Variants in UBR3 observed in about 807,000 individuals in gnomAD.
UBR3 encodes ubiquitin protein ligase E3 component n-recognin 3, also known as E3 ubiquitin-protein ligase UBR3.
In UBR3, 85 loss-of-function variants were observed where a neutral mutation model predicts 243.2. That is an observed-to-expected ratio of 0.35 (90% CI 0.29 to 0.42). The LOEUF is 0.42. Ranked by LOEUF, UBR3 falls within the 10% of genes least tolerant of loss-of-function variation. UBR3 has a pLI of 1.00. For missense variants in UBR3, 1,686 were observed against 2,300.8 expected (o/e 0.73, Z 5.47); for synonymous variants, 748 against 799.8 (o/e 0.94, Z 1.09).
chr2:170,008,921 T>C lies in UBR3; in HGVS notation c.4348T>C (p.Phe1450Leu). ...GGGCTCACCAGACAATGATTTTCTC[T>C]TTATGTACTCTGTTGCTAGGTAGGT... ...TPGSPDNDFL[F>L]MYSVARTNLE... The change falls in exon 29 of 39, where the codon TTT (phenylalanine) becomes CTT (leucine). Residue 1450 changes from phenylalanine (F) to leucine (L), a missense_variant. Phe to Leu is a conservative substitution (Grantham distance 22). Coordinates refer to ENST00000272793, the MANE Select transcript of UBR3 (RefSeq NM_172070.4). The C allele has an allele frequency of 6.3e-7, 1 of 1,592,988 alleles. No homozygotes were observed.
chr2:169,854,943 T>G (rs2082785657), intron 1 of UBR3, among the ~76,000 whole-genome samples: 1 of 152,224 alleles, frequency 6.6e-6, no homozygotes, highest in South Asian at 2.1e-4. Flanking sequence ...CTCGTTTTCA[T>G]TAAAACATTG....
Position 169,906,109 on chromosome 2 carries a change from A to C in UBR3, c.1724A>C (p.Glu575Ala). Reference protein sequence around the residue: ...SQTYYAAFAAELEACAQPMWG... With the variant: ...SQTYYAAFAAALEACAQPMWG... ...ACCTACTATGCTGCCTTTGCTGCTG[A>C]ACTTGAGGCCTGTGCACAGCCAATG... The change falls in exon 10 of 39, where the codon GAA (glutamate) becomes GCA (alanine). Residue 575 changes from glutamate to alanine, a missense_variant. Physicochemically the swap from Glu to Ala is moderately radical, Grantham distance 107. This residue lies in a region of UBR3 where 346 missense variants were observed against 585.8 expected (regional missense o/e 0.59). Transcript: ENST00000272793. The C allele has an allele frequency of 1.3e-6, 2 of 1,551,732 alleles. No homozygotes were observed. The highest frequency in any genetic ancestry group is 1.7e-6 in the Non-Finnish European group (2 of 1,146,962).
intron 1 of UBR3, among the ~76,000 whole-genome samples, chr2:169,863,137 A>G (rs148819271): frequency 2.8e-4 from 43 of 152,238 alleles, no homozygotes; most frequent in African/African-American, 9.6e-4. Context: ...TAACTTGCAA[A>G]TAGACCACCA....
chr2:169,975,451 A>G (rs538762239), intron 24 of UBR3, among the ~76,000 whole-genome samples: 99 of 152,300 alleles, frequency 6.5e-4, no homozygotes, highest in African/African-American at 2.2e-3. Flanking sequence ...ATGTTCTGTA[A>G]AAGTCTGTTA....
chr2:169,933,134 T>A (rs1235495858), intron 19 of UBR3, 126 bp downstream of exon 19: 1 of 624,814 alleles, frequency 1.6e-6, no homozygotes, highest in Admixed American at 4.1e-5. Context: ...GTGAAAATAA[T>A]AATTTAAGGT....
In UBR3 at chr2:170,077,891, C is replaced by G. The variant is rs189078663; in HGVS notation, c.5200-1923C>G. ...ATGAGCCACTGCACCTGGCTCTGTT[C>G]AAATAACTCTTAACACTTCTGTATC... On this transcript the variant is annotated intron_variant, in intron 36 of 38. Transcript: ENST00000272793. 1.3e-4 allele frequency: 56 copies of G among 438,402 alleles called. 1 individual carries two copies. In the East Asian group the frequency reaches 2.8e-3, roughly 22 times the overall value. The allele number at this position is 438,402 out of a possible 1,614,324, so 27.2% of individuals were successfully genotyped here.
chr2:170,054,752 G>A (rs570960022), intron 32 of UBR3, among the ~76,000 whole-genome samples: 1 of 152,222 alleles, frequency 6.6e-6, no homozygotes, highest in African/African-American at 2.4e-5. Context: ...TTATTAAGAT[G>A]TGCATCATAT....
At chr2:169,927,603 T>A (rs2085958333) in intron 17 of UBR3, among the ~76,000 whole-genome samples, 198 bp downstream of exon 17, 2 of 151,550 alleles carry the variant, frequency 1.3e-5, no homozygotes, top group African/African-American at 4.8e-5. Flanking sequence ...CCTCCTGTTA[T>A]TACCTCTTGG....
At chr2:169,905,423 A>G (rs1375312835) in intron 9 of UBR3, 130 bp downstream of exon 9, 1 of 615,562 alleles carries the variant, frequency 1.6e-6, no homozygotes, top group African/African-American at 1.9e-5. Context: ...TTTAATTGGT[A>G]TTTGTAAGTA....
chr2:169,937,279 A>G lies in UBR3; in HGVS notation c.2663+4271A>G, dbSNP rs1574241351. ...CCAGTGATGATGAGCATTTTTTCAT[A>G]TGTCTGTTGGCTGCATAAATGTCTT... On this transcript the variant is annotated intron_variant, in intron 19 of 38. Coordinates refer to ENST00000272793, the MANE Select transcript of UBR3 (RefSeq NM_172070.4). 2.0e-5 allele frequency among the ~76,000 whole-genome samples: 3 copies of G among 152,186 alleles called. No individual in the cohort carries two copies. In the South Asian group the frequency reaches 6.2e-4, roughly 32 times the overall value.
intron 24 of UBR3, among the ~76,000 whole-genome samples, chr2:169,977,779 G>A (rs1307636882): frequency 6.6e-6 from 1 of 152,124 alleles, no homozygotes; most frequent in African/African-American, 2.4e-5. Context: ...CAGAAACAAT[G>A]TTCCACCAGC....
chr2:169,967,272 C>CG (rs1406708129), intron 24 of UBR3, among the ~76,000 whole-genome samples: 2 of 145,052 alleles, frequency 1.4e-5, no homozygotes, highest in African/African-American at 5.1e-5. Context: ...CCCGCCCCCC[C>CG]CCACACACAG....
chr2:170,002,560 T>C (rs2089751397), intron 27 of UBR3, among the ~76,000 whole-genome samples: 1 of 152,202 alleles, frequency 6.6e-6, no homozygotes, highest in Non-Finnish European at 1.5e-5. Flanking sequence ...TCCCAGCCAG[T>C]CTTTTCTTTG....
chr2:170,071,639 T>C (rs1284615687), intron 35 of UBR3, among the ~76,000 whole-genome samples: 1 of 152,184 alleles, frequency 6.6e-6, no homozygotes, highest in African/African-American at 2.4e-5. Context: ...TAAAATGCCT[T>C]CTTTGTTAAA....
chr2:170,079,828 A>G lies in UBR3; in HGVS notation c.5214A>G (p.Gln1738=). Residue 1738 remains glutamine (Q), a synonymous_variant, in exon 37 of 39, where the codon CAA becomes CAG. Coordinates refer to ENST00000272793, the MANE Select transcript of UBR3 (RefSeq NM_172070.4). ...TAATGTTTTAGGCCTTGCTTATCCA[A>G]GAGTCAAAATGGAAATTACCACACC... ...HAEQGKALLI[Q]ESKWKLPHLL... The G allele has an allele frequency of 1.2e-6, 2 of 1,613,228 alleles. No homozygotes were observed. Among genetic ancestry groups the G allele is most frequent in the Non-Finnish European group, 1.7e-6 (2 of 1,179,776 alleles).
At chr2:169,836,919 T>A (rs906457725) in intron 1 of UBR3, among the ~76,000 whole-genome samples, 7 of 152,196 alleles carry the variant, frequency 4.6e-5, no homozygotes, top group African/African-American at 1.7e-4. Context: ...ATCTTCTAGT[T>A]TGTGTCTTGT....
In UBR3 at chr2:169,913,285, A is replaced by T. The variant is rs561061879; in HGVS notation, c.1780-775A>T. 4.9e-4 allele frequency among the ~76,000 whole-genome samples: 74 copies of T among 149,562 alleles called. No homozygotes were observed. The South Asian group carries it at 0.016, about 31-fold the overall frequency. ...TTGAGCATCTTTGTATGTGCTTATT[A>T]GTCATTTGCGTATTTTCTTGGAAGA... On this transcript the variant is annotated intron_variant, in intron 10 of 38. Coordinates refer to ENST00000272793, the MANE Select transcript of UBR3 (RefSeq NM_172070.4).
chr2:169,828,133 C>T, intron 1 of UBR3, 81 bp downstream of exon 1: 1 of 1,314,984 alleles, frequency 7.6e-7, no homozygotes, highest in Non-Finnish European at 9.7e-7. Flanking sequence ...CACTGGGAGC[C>T]CACTCTGAGC....
chr2:170,052,269 G>T (rs1372640173), intron 32 of UBR3, among the ~76,000 whole-genome samples: 1 of 151,860 alleles, frequency 6.6e-6, no homozygotes, highest in Non-Finnish European at 1.5e-5. Flanking sequence ...CTTAGTTCTG[G>T]GCATCCTGAA....
Sources: allele counts gnomAD v4.1 joint callset (sites outside exome capture counted in the v4.1 genomes callset), GRCh38; gene constraint gnomAD v4.1.1; regional missense constraint gnomAD v4.1.1; transcripts MANE v1.5; gene names NCBI Gene and HGNC (gene_info 2026-07-23, HGNC 2026-07-21).